BCO1: variants seen among roughly 807,000 people sequenced by gnomAD.
BCO1 encodes the protein beta,beta-carotene 15,15'-dioxygenase.
BCO1 carries 54 observed loss-of-function variants against 56.3 expected under a neutral mutation model. The observed-to-expected ratio is 0.96, with a 90% confidence interval of 0.77 to 1.20. The LOEUF (loss-of-function observed/expected upper bound fraction) is 1.20, where lower values mean the gene tolerates loss of function less well. Ranked by LOEUF, BCO1 falls within the 50% of genes most tolerant of loss-of-function variation. The pLI is 0.00. For missense variants in BCO1, 801 were observed against 690.9 expected, an observed-to-expected ratio of 1.16 and a Z score of -1.79; for synonymous variants, 318 against 266.1, an observed-to-expected ratio of 1.20 and a Z score of -1.90.
At position 81,245,829 on chromosome 16, in the gene BCO1, A is replaced by G. The variant is rs11645422; in HGVS notation, c.193+226A>G. 0.41 allele frequency among the ~76,000 whole-genome samples: 57,936 copies of G among 140,978 alleles called. 12,266 individuals carry two copies. Among genetic ancestry groups the G allele is most frequent in the African/African-American group, 0.56 (21,672 of 38,832 alleles). The allele number at this position is 140,978 out of a possible 152,430, so 92.5% of individuals were successfully genotyped here. ...TATCTTCTAGAAGCCGCTTTCCTTG[A>G]CTTGTGGCTCCATCTCTGTCTTTTT... On this transcript the variant is annotated intron_variant, in intron 2 of 10. Transcript: ENST00000258168.
At chr16:81,270,520 G>T in intron 7 of BCO1, 104 bp downstream of exon 7, 3 of 1,431,898 alleles carry the variant, frequency 2.1e-6, no homozygotes, top group Non-Finnish European at 1.9e-6. Context: ...CAAATGAACT[G>T]TTCTTGAAAA....
Position 81,285,524 on chromosome 16 carries a change from C to G in BCO1, c.1208-16C>G. 6.3e-7 allele frequency: 1 copy of G among 1,584,532 alleles called. No homozygotes were observed. Among genetic ancestry groups the G allele is most frequent in the Non-Finnish European group, 8.7e-7 (1 of 1,153,198 alleles). On this transcript the variant is annotated splice_polypyrimidine_tract_variant and intron_variant, in intron 8 of 10. Transcript: ENST00000258168. ...CCAATGATAGGGGCTTCATCCACCT[C>G]CTCATTTCCTTGTAGGCTTAGAGCT...
chr16:81,286,978 G>A (rs532925108), intron 9 of BCO1, among the ~76,000 whole-genome samples: 1 of 152,334 alleles, frequency 6.6e-6, no homozygotes, highest in South Asian at 2.1e-4. Context: ...AGGAGGCTGA[G>A]GCAGGAGAAT....
chr16:81,280,298 A>T (rs1907796428), intron 7 of BCO1, among the ~76,000 whole-genome samples: 1 of 98,056 alleles, frequency 1.0e-5, no homozygotes, highest in Non-Finnish European at 1.9e-5. Flanking sequence ...AAAAAAAAAA[A>T]AAAAAAAAAA....
At chr16:81,286,894 T>C (rs1908213491) in intron 9 of BCO1, among the ~76,000 whole-genome samples, 1 of 151,298 alleles carries the variant, frequency 6.6e-6, no homozygotes, top group Admixed American at 6.6e-5. Flanking sequence ...CTGGCTATGG[T>C]GAAACCCCGT....
chr16:81,252,545 A>G (rs117546625), intron 2 of BCO1, among the ~76,000 whole-genome samples: 3,187 of 152,288 alleles, frequency 0.021, 59 homozygotes, highest in Middle Eastern at 0.11. Context: ...CGTGAGCCAC[A>G]GCACCCAGCC....
At chr16:81,275,462 C>T (rs1311484689) in intron 7 of BCO1, among the ~76,000 whole-genome samples, 1 of 152,208 alleles carries the variant, frequency 6.6e-6, no homozygotes, top group African/African-American at 2.4e-5. Flanking sequence ...CAGCTGAGTC[C>T]GTATCCTCTA....
At chr16:81,252,867 A>G (rs35531359) in intron 2 of BCO1, among the ~76,000 whole-genome samples, 46,257 of 152,058 alleles carry the variant, frequency 0.3, 8,477 homozygotes, top group African/African-American at 0.51. Context: ...ACCACATCTC[A>G]TTTAAAACTG....
At chr16:81,289,193 G>A (rs1176429049) in intron 10 of BCO1, among the ~76,000 whole-genome samples, 1 of 152,194 alleles carries the variant, frequency 6.6e-6, no homozygotes, top group African/African-American at 2.4e-5. Flanking sequence ...ACCCTCTGGA[G>A]GCATTGAGAG....
chr16:81,242,337 A>G (rs1597340884), intron 1 of BCO1, among the ~76,000 whole-genome samples: 1 of 151,304 alleles, frequency 6.6e-6, no homozygotes, highest in African/African-American at 2.4e-5. Context: ...AGTAGCTGGG[A>G]TTACAGGCAC....
intron 10 of BCO1, 85 bp from the exon 11 acceptor site, chr16:81,290,263 G>C (rs907363638): frequency 2.6e-6 from 3 of 1,132,666 alleles, no homozygotes; most frequent in Non-Finnish European, 2.7e-6. Context: ...TATGTTTAAA[G>C]AGGGCAGAGA....
At chr16:81,274,258 C>CT (rs755672295) in intron 7 of BCO1, among the ~76,000 whole-genome samples, 1,056 of 80,330 alleles carry the variant, frequency 0.013, 33 homozygotes, top group African/African-American at 0.034. Flanking sequence ...GCTTGTGTAT[C>CT]TTTTTTTTTT....
chr16:81,280,787 T>A lies in BCO1; in HGVS notation c.1102-70T>A. 19 of 1,130,474 alleles carry A rather than the reference T, an allele frequency of 1.7e-5. 1 individual carries two copies. The South Asian group carries it at 2.4e-4, about 15-fold the overall frequency. 70.0% of individuals were successfully genotyped at this position (1,130,474 alleles called of 1,614,324 possible). A position where few individuals can be genotyped will look rare whatever the true frequency, so the allele number is the denominator to read the frequency against. On this transcript the variant is annotated intron_variant, in intron 7 of 10. Transcript: ENST00000258168. ...GTATTCAAGCATTTTAAAAAATATA[T>A]ACACTAAAGCAAATGTTTGCTCTGG...
At chr16:81,287,849 C>T (rs961152611) in intron 10 of BCO1, among the ~76,000 whole-genome samples, 1 of 152,080 alleles carries the variant, frequency 6.6e-6, no homozygotes. Context: ...CAATACTCAC[C>T]GAGTATTACT....
rs1367916145 is a variant in BCO1, at chr16:81,287,365, C to T, written c.1373C>T (p.Pro458Leu). Residue 458 changes from proline to leucine, a missense_variant, in exon 10 of 11, where the codon CCC (proline) becomes CTC (leucine). Coordinates refer to ENST00000258168, the MANE Select transcript of BCO1 (RefSeq NM_017429.3). ...WREDDCWPAE[P>L]LFVPAPGAKD... ...GAGGACGACTGCTGGCCAGCGGAAC[C>T]CCTGTTTGTGCCCGCGCCAGGTGCC... 1 of 1,613,958 alleles carries T rather than the reference C, an allele frequency of 6.2e-7. No individual in the cohort carries two copies.
chr16:81,275,611 G>A (rs1907508500), intron 7 of BCO1, among the ~76,000 whole-genome samples: 1 of 152,220 alleles, frequency 6.6e-6, no homozygotes, highest in African/African-American at 2.4e-5. Context: ...CTCAGAGGGT[G>A]CTCTTAAATA....
intron 5 of BCO1, among the ~76,000 whole-genome samples, chr16:81,267,354 T>C (rs1199643982): frequency 6.6e-6 from 1 of 152,166 alleles, no homozygotes; most frequent in Non-Finnish European, 1.5e-5. Context: ...GGCTCACACC[T>C]GTAATCCCAG....
At chr16:81,285,883 C>G (rs1006517797) in intron 9 of BCO1, among the ~76,000 whole-genome samples, 1 of 152,076 alleles carries the variant, frequency 6.6e-6, no homozygotes, top group Non-Finnish European at 1.5e-5. Context: ...ATTTAATGAG[C>G]ACCAATTATG....
At chr16:81,262,025 C>G (rs1399625001) in intron 3 of BCO1, 111 bp from the exon 4 acceptor site, 3 of 1,355,938 alleles carry the variant, frequency 2.2e-6, no homozygotes, top group Non-Finnish European at 3.1e-6. Context: ...TACAGGCACC[C>G]GGCCGAAGTA....
Sources: allele counts gnomAD v4.1 joint callset (sites outside exome capture counted in the v4.1 genomes callset), GRCh38; gene constraint gnomAD v4.1.1; transcripts MANE v1.5; gene names NCBI Gene and HGNC (gene_info 2026-07-23, HGNC 2026-07-21).